CLVS2: variants seen among roughly 807,000 people sequenced by gnomAD.
CLVS2 encodes the protein clavesin-2.
Under a neutral mutation model 29.0 loss-of-function variants are expected in CLVS2, and 19 were observed. The ratio of observed to expected loss-of-function variants is 0.66; its 90% CI spans 0.46 to 0.96. The LOEUF (loss-of-function observed/expected upper bound fraction) is 0.96. Ranked by LOEUF, CLVS2 falls within the 40% of genes least tolerant of loss-of-function variation. The probability of loss-of-function intolerance (pLI) is 0.00; values close to 1 mark genes in which losing one functional copy is unlikely to be tolerated. For missense variants in CLVS2, 294 were observed against 404.1 expected (o/e 0.73, Z 2.34); for synonymous variants, 161 against 151.3 (o/e 1.06, Z -0.47).
intron 4 of CLVS2, among the ~76,000 whole-genome samples, chr6:123,054,651 T>G (rs1417334076): frequency 6.6e-6 from 1 of 152,190 alleles, no homozygotes; most frequent in African/African-American, 2.4e-5. Context: ...AGAATGAAAT[T>G]ATTTTTATGA....
intron 2 of CLVS2, among the ~76,000 whole-genome samples, chr6:123,001,463 A>G (rs1476624203): frequency 6.6e-6 from 1 of 152,234 alleles, no homozygotes; most frequent in Non-Finnish European, 1.5e-5. Flanking sequence ...GTTCTTCCAA[A>G]AAACAATAGG....
At chr6:123,047,654 ACTTTT>A (rs1772537670) in intron 3 of CLVS2, among the ~76,000 whole-genome samples, 1 of 152,150 alleles carries the variant, frequency 6.6e-6, no homozygotes, top group African/African-American at 2.4e-5. Context: ...TAGTTCCTTT[ACTTTT>A]CTTTTCTTCC....
intron 2 of CLVS2, among the ~76,000 whole-genome samples, chr6:122,998,843 T>A (rs1774549743): frequency 6.6e-6 from 1 of 152,220 alleles, no homozygotes; most frequent in Admixed American, 6.5e-5. Flanking sequence ...CTGTCTCCTG[T>A]CTCATGTGAT....
chr6:123,026,534 A>G (rs1455702378), intron 3 of CLVS2, among the ~76,000 whole-genome samples: 3 of 152,198 alleles, frequency 2.0e-5, no homozygotes, highest in Non-Finnish European at 4.4e-5. Context: ...CATTGTGGAT[A>G]CATATAGCTG....
At chr6:123,053,992 A>G (rs903661341) in intron 4 of CLVS2, among the ~76,000 whole-genome samples, 11 of 152,076 alleles carry the variant, frequency 7.2e-5, no homozygotes, top group African/African-American at 2.2e-4. Flanking sequence ...TGGTTGTCCT[A>G]TTTTCTTAGT....
At chr6:123,025,844 TG>T (rs1215339011) in intron 3 of CLVS2, among the ~76,000 whole-genome samples, 4 of 152,174 alleles carry the variant, frequency 2.6e-5, no homozygotes, top group Non-Finnish European at 5.9e-5. Flanking sequence ...TGTCTCCCTC[TG>T]CCTAGTTTCT....
intron 3 of CLVS2, among the ~76,000 whole-genome samples, chr6:123,012,695 A>G (rs1259283634): frequency 6.6e-6 from 1 of 152,040 alleles, no homozygotes; most frequent in East Asian, 1.9e-4. Context: ...CTACACTCAG[A>G]TGAAACCTCT....
chr6:123,045,094 T>C (rs1019335348), intron 3 of CLVS2, among the ~76,000 whole-genome samples: 2 of 152,010 alleles, frequency 1.3e-5, no homozygotes, highest in African/African-American at 4.8e-5. Context: ...TTTACTTAAA[T>C]AGTTTTTATC....
At chr6:123,051,927 C>T (rs1479738425) in intron 4 of CLVS2, among the ~76,000 whole-genome samples, 1 of 151,892 alleles carries the variant, frequency 6.6e-6, no homozygotes, top group Non-Finnish European at 1.5e-5. Context: ...AAGAAAAATC[C>T]AAAAGTAGAA....
chr6:123,007,168 T>C (rs1774681037), intron 2 of CLVS2, among the ~76,000 whole-genome samples: 1 of 152,200 alleles, frequency 6.6e-6, no homozygotes, highest in Admixed American at 6.5e-5. Flanking sequence ...GTATAGAATA[T>C]GTGATTGTTG....
intron 3 of CLVS2, among the ~76,000 whole-genome samples, chr6:123,045,997 A>G (rs1187075771): frequency 6.6e-6 from 1 of 152,254 alleles, no homozygotes; most frequent in Non-Finnish European, 1.5e-5. Flanking sequence ...GTAAAACAGT[A>G]TGTTGACTAC....
rs890569195 is a variant in CLVS2, at chr6:123,014,409, C to A, written c.564+3250C>A. ...ATACCTTGTATAAAGATACATGAAC[C>A]ATTATTATATATATTCATACATGAA... On this transcript the variant is annotated intron_variant, in intron 3 of 5. Coordinates refer to ENST00000275162, the MANE Select transcript of CLVS2 (RefSeq NM_001010852.4). Among the ~76,000 whole-genome samples the A allele has an allele frequency of 5.3e-5, 8 of 151,970 alleles. 1 individual carries two copies. Among genetic ancestry groups the A allele is most frequent in the Admixed American group, 1.3e-4 (2 of 15,228 alleles).
intron 3 of CLVS2, among the ~76,000 whole-genome samples, chr6:123,024,340 T>C (rs1774967786): frequency 6.6e-6 from 1 of 152,166 alleles, no homozygotes; most frequent in Non-Finnish European, 1.5e-5. Context: ...GATTTTCACT[T>C]TTGGGAATGT....
rs1198985186 is a variant in CLVS2, at chr6:123,069,762, G to A, written c.*6001G>A. Reference sequence around the variant, plus strand: ...ATCGAGTAGAAAATATTTTCTACTCGAAGAGGCCATGGGGAAGTGATGGTC... The same window carrying A: ...ATCGAGTAGAAAATATTTTCTACTCAAAGAGGCCATGGGGAAGTGATGGTC... On this transcript the variant is annotated 3_prime_UTR_variant, in exon 6 of 6. Coordinates refer to ENST00000275162, the MANE Select transcript of CLVS2 (RefSeq NM_001010852.4). The A allele has an allele frequency of 1.3e-5, 2 of 151,768 alleles. No homozygotes were observed. Among genetic ancestry groups the A allele is most frequent in the South Asian group, 2.1e-4 (1 of 4,822 alleles). The allele number at this position is 151,768 out of a possible 1,614,324, so 9.4% of individuals were successfully genotyped here.
intron 3 of CLVS2, among the ~76,000 whole-genome samples, chr6:123,041,810 A>G (rs569967965): frequency 2.0e-4 from 30 of 152,346 alleles, no homozygotes; most frequent in Non-Finnish European, 3.2e-4. Context: ...AAGAGATACT[A>G]TAAAGTATCT....
At chr6:122,998,253 T>G in intron 2 of CLVS2, 87 bp downstream of exon 2, 2 of 1,442,692 alleles carry the variant, frequency 1.4e-6, no homozygotes, top group Non-Finnish European at 1.9e-6. Flanking sequence ...TTTGTAGATT[T>G]GATATTTTTG....
intron 3 of CLVS2, among the ~76,000 whole-genome samples, chr6:123,041,506 A>G (rs900684844): frequency 1.3e-5 from 2 of 152,204 alleles, no homozygotes; most frequent in Non-Finnish European, 2.9e-5. Context: ...TCAGACAGAA[A>G]TGAAACAGAG....
chr6:123,012,154 T>C (rs1237878776), intron 3 of CLVS2, among the ~76,000 whole-genome samples: 1 of 152,018 alleles, frequency 6.6e-6, no homozygotes, highest in Non-Finnish European at 1.5e-5. Context: ...TTGCTCTTGG[T>C]GAGACAGCCT....
chr6:123,056,084 G>A (rs1232025431), intron 5 of CLVS2, 58 bp downstream of exon 5: 1 of 1,158,896 alleles, frequency 8.6e-7, no homozygotes, highest in African/African-American at 1.5e-5. Context: ...GGCATCCTGA[G>A]TCAAACTCAA....
Sources: allele counts gnomAD v4.1 joint callset (sites outside exome capture counted in the v4.1 genomes callset), GRCh38; gene constraint gnomAD v4.1.1; transcripts MANE v1.5; gene names NCBI Gene and HGNC (gene_info 2026-07-23, HGNC 2026-07-21).